PDE3B: variants seen among roughly 807,000 people sequenced by gnomAD.
The protein encoded by PDE3B is phosphodiesterase 3B, also known as cGMP-inhibited 3',5'-cyclic phosphodiesterase 3B.
In PDE3B, 66 loss-of-function variants were observed where a neutral mutation model predicts 116.8. That is an observed-to-expected ratio of 0.56 (90% confidence interval 0.46 to 0.69). The LOEUF (loss-of-function observed/expected upper bound fraction) is 0.69, where lower values mean the gene tolerates loss of function less well. Ranked by LOEUF, PDE3B falls within the 30% of genes least tolerant of loss-of-function variation. The pLI, the probability that PDE3B is intolerant of heterozygous loss-of-function variation, is 0.00. For missense variants in PDE3B, 1,384 were observed against 1,368.1 expected (o/e 1.01, Z -0.18); for synonymous variants, 595 against 533.6 (o/e 1.12, Z -1.59).
At chr11:14,810,909 G>T (rs12281928) in intron 5 of PDE3B, among the ~76,000 whole-genome samples, 47,571 of 141,898 alleles carry the variant, frequency 0.34, 9,194 homozygotes, top group Admixed American at 0.43. Flanking sequence ...TGCATTTCTC[G>T]GATGGCCAGT....
At chr11:14,717,779 A>G (rs1474486772) in intron 1 of PDE3B, among the ~76,000 whole-genome samples, 2 of 138,162 alleles carry the variant, frequency 1.4e-5, no homozygotes, top group Non-Finnish European at 3.1e-5. Flanking sequence ...AGCGCTAAAC[A>G]TGGAAAGGAA....
At chr11:14,766,851 TG>T (rs1162240484) in intron 1 of PDE3B, among the ~76,000 whole-genome samples, 1 of 151,766 alleles carries the variant, frequency 6.6e-6, no homozygotes, top group African/African-American at 2.4e-5. Context: ...AATCATGTTT[TG>T]TAGTATGAAT....
intron 1 of PDE3B, among the ~76,000 whole-genome samples, chr11:14,676,508 A>G (rs965322994): frequency 7.9e-5 from 12 of 152,182 alleles, no homozygotes; most frequent in African/African-American, 2.9e-4. Context: ...CTTACCATGA[A>G]TGGAGCTTGC....
intron 1 of PDE3B, among the ~76,000 whole-genome samples, chr11:14,770,177 T>TCA (rs1187931380): frequency 6.6e-6 from 1 of 151,340 alleles, no homozygotes; most frequent in Non-Finnish European, 1.5e-5. Context: ...AGTTCATTGA[T>TCA]GCCTATCTCA....
intron 2 of PDE3B, among the ~76,000 whole-genome samples, chr11:14,784,851 G>C (rs1394595180): frequency 6.6e-6 from 1 of 152,048 alleles, no homozygotes; most frequent in Non-Finnish European, 1.5e-5. Context: ...AAGTCACACT[G>C]TACTCTCAGT....
intron 5 of PDE3B, among the ~76,000 whole-genome samples, chr11:14,812,686 C>T (rs1012459446): frequency 1.3e-5 from 2 of 152,152 alleles, no homozygotes; most frequent in Non-Finnish European, 2.9e-5. Context: ...TAGTTAAAAA[C>T]CTTCTTACAA....
chr11:14,863,520 A>C (rs537591398), intron 14 of PDE3B, among the ~76,000 whole-genome samples: 174 of 152,288 alleles, frequency 1.1e-3, no homozygotes, highest in African/African-American at 3.9e-3. Context: ...CCCAGGGTTG[A>C]AATGAAGGAA....
intron 4 of PDE3B, among the ~76,000 whole-genome samples, chr11:14,790,373 A>G (rs934364345): frequency 2.0e-5 from 3 of 151,684 alleles, no homozygotes; most frequent in African/African-American, 4.8e-5. Context: ...AGGGAAGTGA[A>G]TGATGTTAGG....
intron 11 of PDE3B, among the ~76,000 whole-genome samples, chr11:14,840,660 G>T (rs1241786939): frequency 6.6e-6 from 1 of 152,126 alleles, no homozygotes; most frequent in Non-Finnish European, 1.5e-5. Flanking sequence ...TCCTCAAAGT[G>T]GATAGCTACA....
chr11:14,785,698 C>G (rs1449338656), intron 2 of PDE3B, among the ~76,000 whole-genome samples: 1 of 151,848 alleles, frequency 6.6e-6, no homozygotes, highest in Non-Finnish European at 1.5e-5. Flanking sequence ...TGACATATTT[C>G]TTCTAAATTA....
chr11:14,878,593 G>C, the PDE3B span, among the ~76,000 whole-genome samples: 2 of 152,082 alleles, frequency 1.3e-5, no homozygotes, highest in Non-Finnish European at 2.9e-5. Context: ...GATCTAATTT[G>C]AGGTGAGACA....
intron 1 of PDE3B, among the ~76,000 whole-genome samples, chr11:14,738,721 T>C (rs537740848): frequency 2.0e-5 from 3 of 152,338 alleles, no homozygotes; most frequent in Admixed American, 2.0e-4. Flanking sequence ...CTTCTAGGGT[T>C]TTTATGGTTT....
chr11:14,756,679 A>G (rs1241787104), intron 1 of PDE3B, among the ~76,000 whole-genome samples: 1 of 152,180 alleles, frequency 6.6e-6, no homozygotes, highest in East Asian at 1.9e-4. Context: ...GAGAATATCC[A>G]CCTCAGAGAG....
chr11:14,876,618 G>T (rs1006618430), downstream of PDE3B, among the ~76,000 whole-genome samples: 2 of 152,120 alleles, frequency 1.3e-5, no homozygotes, highest in Non-Finnish European at 2.9e-5. Context: ...ACATAACTCA[G>T]AACCTACAGG....
chr11:14,801,606 G>A (rs1858767975), intron 4 of PDE3B, among the ~76,000 whole-genome samples: 1 of 152,188 alleles, frequency 6.6e-6, no homozygotes, highest in Non-Finnish European at 1.5e-5. Flanking sequence ...CAGGATACAT[G>A]GGGGTCAGGG....
chr11:14,830,857 A>G lies in PDE3B; in HGVS notation c.1956+11A>G, dbSNP rs115849852. The G allele has an allele frequency of 5.7e-4, 844 of 1,473,406 alleles. 6 individuals carry two copies. In the African/African-American group the frequency reaches 0.011, roughly 19 times the overall value. The allele number at this position is 1,473,406 out of a possible 1,614,324, so 91.3% of individuals were successfully genotyped here. ...GAACAGCAAACAAATGTAAAAGATA[A>G]ACTTTCAATATGATTATGTTAAGGT... On this transcript the variant is annotated intron_variant, in intron 8 of 15. Coordinates refer to ENST00000282096, the MANE Select transcript of PDE3B (RefSeq NM_000922.4).
Position 14,644,543 on chromosome 11 carries a change from G to A in PDE3B, c.468G>A (p.Ala156=), listed in dbSNP as rs1453789363. Residue 156 remains alanine (A), a synonymous_variant, in exon 1 of 16, where the codon GCG becomes GCA. Coordinates refer to ENST00000282096, the MANE Select transcript of PDE3B (RefSeq NM_000922.4). ...GCTGCGGCTCCTGGTGGCTGCTGGC[G>A]CTGCCCGCCTGCTGTTACCTGGGGG... ...GRSCGSWWLL[A]LPACCYLGDF... is the part of the protein sequence containing the mutation. 1 of 1,602,314 alleles carries A rather than the reference G, an allele frequency of 6.2e-7. No homozygotes were observed. Among genetic ancestry groups the A allele is most frequent in the Non-Finnish European group, 8.5e-7 (1 of 1,174,606 alleles).
chr11:14,659,802 A>G (rs377648692), intron 1 of PDE3B, among the ~76,000 whole-genome samples: 1 of 152,210 alleles, frequency 6.6e-6, no homozygotes, highest in South Asian at 2.1e-4. Context: ...GACTATTTCT[A>G]TTATGTTTAC....
rs188719842 is a variant in PDE3B, at chr11:14,811,384, T to A, written c.1523-6799T>A. ...AGGGATCCAGTTTCAGCTTTGTACA[T>A]ATGGCTAGCGAGTTTTCCCAGCACC... On this transcript the variant is annotated intron_variant, in intron 5 of 15. Transcript: ENST00000282096. Among the ~76,000 whole-genome samples, 178 of 152,366 alleles carry A rather than the reference T, an allele frequency of 1.2e-3. 1 individual carries two copies. The highest frequency in any genetic ancestry group is 6.8e-3 in the Middle Eastern group (2 of 294).
Sources: allele counts gnomAD v4.1 joint callset (sites outside exome capture counted in the v4.1 genomes callset), GRCh38; gene constraint gnomAD v4.1.1; transcripts MANE v1.5; gene names NCBI Gene and HGNC (gene_info 2026-07-23, HGNC 2026-07-21).